DRC11: variants seen among roughly 807,000 people sequenced by gnomAD.
The protein encoded by DRC11 is dynein regulatory complex subunit 11, also known as IQ and AAA domain-containing protein 1.
chr2:236,312,269 G>C, the DRC11 span, among the ~76,000 whole-genome samples: 1 of 152,094 alleles, frequency 6.6e-6, no homozygotes, highest in African/African-American at 2.4e-5. Context: ...CCTTCACACA[G>C]AGCATTATAG....
At chr2:236,458,269 T>C in the DRC11 span, among the ~76,000 whole-genome samples, 5 of 152,222 alleles carry the variant, frequency 3.3e-5, no homozygotes, top group African/African-American at 9.7e-5. Flanking sequence ...CAAAAATCGC[T>C]ATTTCAAATT....
chr2:236,491,192 A>ATATATATATATATATACACAG, the DRC11 span, among the ~76,000 whole-genome samples: 15 of 49,672 alleles, frequency 3.0e-4, no homozygotes, highest in East Asian at 3.4e-3. Flanking sequence ...CACACAGTAT[A>ATATATATATATATATACACAG]TATATATATA....
At chr2:236,338,186 AG>A in the DRC11 span, 2 of 1,609,154 alleles carry the variant, frequency 1.2e-6, no homozygotes, top group Non-Finnish European at 1.7e-6. Context: ...ATGCATGGGA[AG>A]GGGCTGGGGG....
At chr2:236,344,189 A>G in the DRC11 span, among the ~76,000 whole-genome samples, 3 of 152,312 alleles carry the variant, frequency 2.0e-5, no homozygotes, top group Non-Finnish European at 2.9e-5. Flanking sequence ...TTGTTCATCA[A>G]TTGTGGGCCT....
chr2:236,447,824 G>A, the DRC11 span, among the ~76,000 whole-genome samples: 3 of 151,306 alleles, frequency 2.0e-5, no homozygotes, highest in East Asian at 3.9e-4. The surrounding 1 kb of genome is among the most constrained non-coding windows in gnomAD (Gnocchi z 4.6). Context: ...ATGCCCAATC[G>A]AGGAGTCGGC....
the DRC11 span, chr2:236,338,401 A>AG: frequency 7.5e-6 from 12 of 1,590,144 alleles, no homozygotes; most frequent in Non-Finnish European, 1.0e-5. Flanking sequence ...GAGAAAAAAA[A>AG]ATTGGTCCAC....
At chr2:236,382,846 C>T in the DRC11 span, among the ~76,000 whole-genome samples, 1 of 152,064 alleles carries the variant, frequency 6.6e-6, no homozygotes, top group South Asian at 2.1e-4. Flanking sequence ...TTGGGATTTT[C>T]CACAAGAAAA....
At chr2:236,482,878 A>G in the DRC11 span, among the ~76,000 whole-genome samples, 1 of 152,228 alleles carries the variant, frequency 6.6e-6, no homozygotes, top group Admixed American at 6.5e-5. This position sits in a 1 kb window ranked among gnomAD's most constrained non-coding sequence, Gnocchi z 4.5. Context: ...TTTAAAACAA[A>G]TTTAACTGTG....
chr2:236,417,523 A>G, the DRC11 span, among the ~76,000 whole-genome samples: 2 of 150,542 alleles, frequency 1.3e-5, no homozygotes, highest in Non-Finnish European at 2.9e-5. Flanking sequence ...CACTCTGAAG[A>G]GCTGATGCAG....
At chr2:236,358,286 CTA>C in the DRC11 span, among the ~76,000 whole-genome samples, 1 of 123,464 alleles carries the variant, frequency 8.1e-6, no homozygotes, top group Non-Finnish European at 1.6e-5. Flanking sequence ...GATATATATA[CTA>C]TATGAATATA....
the DRC11 span, among the ~76,000 whole-genome samples, chr2:236,323,598 C>T: frequency 4.6e-5 from 7 of 152,348 alleles, no homozygotes; most frequent in South Asian, 1.5e-3. This position sits in a 1 kb window ranked among gnomAD's most constrained non-coding sequence, Gnocchi z 6.4. Flanking sequence ...CACAAACCTT[C>T]TTGGCCATTG....
the DRC11 span, among the ~76,000 whole-genome samples, chr2:236,458,953 G>A: frequency 6.6e-6 from 1 of 152,146 alleles, no homozygotes; most frequent in Non-Finnish European, 1.5e-5. Context: ...GCTGAAGCAA[G>A]AGAATTTCTT....
chr2:236,476,174 C>T, the DRC11 span, among the ~76,000 whole-genome samples: 1 of 152,016 alleles, frequency 6.6e-6, no homozygotes, highest in African/African-American at 2.4e-5. This position sits in a 1 kb window ranked among gnomAD's most constrained non-coding sequence, Gnocchi z 4.7. Context: ...CATATTTTAA[C>T]AGTATTAATT....
chr2:236,479,136 T>C, the DRC11 span, among the ~76,000 whole-genome samples: 1 of 152,228 alleles, frequency 6.6e-6, no homozygotes, highest in Non-Finnish European at 1.5e-5. This position sits in a 1 kb window ranked among gnomAD's most constrained non-coding sequence, Gnocchi z 4.1. Flanking sequence ...GTTTGTAGTC[T>C]ATTTTATCTA....
chr2:236,435,765 A>T, the DRC11 span, among the ~76,000 whole-genome samples: 1 of 152,214 alleles, frequency 6.6e-6, no homozygotes, highest in Admixed American at 6.5e-5. Flanking sequence ...ATACAGACAA[A>T]GCATATTAAT....
the DRC11 span, among the ~76,000 whole-genome samples, chr2:236,492,308 A>G: frequency 1.3e-5 from 2 of 152,216 alleles, no homozygotes; most frequent in African/African-American, 4.8e-5. Context: ...AAGGGAGAAG[A>G]ACAAGCCCTC....
chr2:236,436,877 C>T, the DRC11 span, among the ~76,000 whole-genome samples: 7 of 152,098 alleles, frequency 4.6e-5, no homozygotes, highest in Admixed American at 3.3e-4. Flanking sequence ...GGTATTTTGG[C>T]TACTTTATAT....
At chr2:236,408,541 G>T in the DRC11 span, 1 of 729,056 alleles carries the variant, frequency 1.4e-6, no homozygotes, top group African/African-American at 1.7e-5. This position sits in a 1 kb window ranked among gnomAD's most constrained non-coding sequence, Gnocchi z 5.5. Flanking sequence ...CATCAGCGGG[G>T]CCTTCTTCTG....
the DRC11 span, among the ~76,000 whole-genome samples, chr2:236,473,780 CA>C: frequency 0.032 from 4,559 of 142,456 alleles, 100 homozygotes; most frequent in East Asian, 0.14. This position sits in a 1 kb window ranked among gnomAD's most constrained non-coding sequence, Gnocchi z 4.8. Flanking sequence ...TGACAATATC[CA>C]AAAAAAAAAA....
Sources: allele counts gnomAD v4.1 joint callset (sites outside exome capture counted in the v4.1 genomes callset), GRCh38; gene constraint gnomAD v4.1.1; non-coding constraint Gnocchi (gnomAD v3.1); transcripts MANE v1.5; gene names NCBI Gene and HGNC (gene_info 2026-07-23, HGNC 2026-07-21).